CDH12: variants seen among roughly 807,000 people sequenced by gnomAD.
CDH12 encodes cadherin-12.
In CDH12, 41 loss-of-function variants were observed where a neutral mutation model predicts 74.1. The ratio of observed to expected loss-of-function variants is 0.55; its 90% confidence interval spans 0.43 to 0.72. CDH12 has a LOEUF of 0.72. Ranked by LOEUF, CDH12 falls within the 30% of genes least tolerant of loss-of-function variation. The pLI is 0.00. For synonymous variants in CDH12, 399 were observed against 355.0 expected (o/e 1.12, Z -1.39); for missense variants, 945 against 977.2 (o/e 0.97, Z 0.44).
At chr5:22,530,978 T>C (rs1402539454) in intron 1 of CDH12, among the ~76,000 whole-genome samples, 1 of 152,188 alleles carries the variant, frequency 6.6e-6, no homozygotes, top group Non-Finnish European at 1.5e-5. Context: ...TATTCTTCAT[T>C]ACAGAACTTA....
Position 22,194,334 on chromosome 5 carries a change from T to C in CDH12, c.-187+18164A>G, listed in dbSNP as rs569728350. The stretch of plus-strand genomic sequence containing the variant: ...TTTTTTTTTTTTTTGTTTTGTTTTT[T>C]TTGTTTTTTGTTTTTGAGACCGAGT... On this transcript the variant is annotated intron_variant, in intron 4 of 14. Transcript: ENST00000382254. Among the ~76,000 whole-genome samples the C allele has an allele frequency of 4.6e-3, 690 of 150,966 alleles. 3 individuals are homozygous for C. Among genetic ancestry groups the C allele is most frequent in the Non-Finnish European group, 8.2e-3 (556 of 67,710 alleles).
chr5:22,780,092 A>C (rs1284062749), intron 1 of CDH12, among the ~76,000 whole-genome samples: 1 of 152,148 alleles, frequency 6.6e-6, no homozygotes, highest in Non-Finnish European at 1.5e-5. Context: ...TGGCTTTTAA[A>C]ATGTGTAATC....
chr5:22,800,068 T>C (rs894974783), intron 1 of CDH12, among the ~76,000 whole-genome samples: 10 of 152,156 alleles, frequency 6.6e-5, no homozygotes, highest in African/African-American at 2.4e-4. Context: ...AATGGTTTAG[T>C]AGCCACTGAG....
chr5:22,450,817 A>G (rs1745010221), intron 2 of CDH12, among the ~76,000 whole-genome samples: 1 of 151,502 alleles, frequency 6.6e-6, no homozygotes, highest in Non-Finnish European at 1.5e-5. Flanking sequence ...GCTTACCACA[A>G]GTAGAGTTCC....
At chr5:22,193,061 T>A (rs147822918) in intron 4 of CDH12, among the ~76,000 whole-genome samples, 6,513 of 152,328 alleles carry the variant, frequency 0.043, 208 homozygotes, top group Non-Finnish European at 0.062. Flanking sequence ...ACACTCAGGT[T>A]ACAAACATAC....
chr5:21,795,826 T>C (rs1746748914), intron 10 of CDH12, among the ~76,000 whole-genome samples: 1 of 152,008 alleles, frequency 6.6e-6, no homozygotes, highest in Non-Finnish European at 1.5e-5. Flanking sequence ...TTCTGTCATA[T>C]TGAAAAGGAC....
intron 5 of CDH12, among the ~76,000 whole-genome samples, chr5:22,041,224 C>T (rs1425504416): frequency 6.6e-6 from 1 of 151,722 alleles, no homozygotes; most frequent in Non-Finnish European, 1.5e-5. Context: ...AAAACTTACA[C>T]TAAAGAAAAT....
intron 8 of CDH12, among the ~76,000 whole-genome samples, chr5:21,838,820 C>T (rs1445738185): frequency 6.6e-6 from 1 of 152,100 alleles, no homozygotes; most frequent in African/African-American, 2.4e-5. Context: ...GTCATCATGC[C>T]CCTTTGCCCA....
At chr5:22,428,210 C>T (rs199887959) in intron 2 of CDH12, among the ~76,000 whole-genome samples, 2,565 of 12,748 alleles carry the variant, frequency 0.2, 66 homozygotes, top group African/African-American at 0.35. Flanking sequence ...TATATATACA[C>T]ACACACACAC....
At position 22,568,089 on chromosome 5, in the gene CDH12, AC is replaced by A. The variant is rs1483909764; in HGVS notation, c.-522-62726del. Among the ~76,000 whole-genome samples, 5 of 152,284 alleles carry A rather than the reference AC, an allele frequency of 3.3e-5. No homozygotes were observed. In the East Asian group the frequency reaches 9.6e-4, roughly 29 times the overall value. ...TTCATATAGAAGACTTTGACTTTTTACTAAGGCACTGGAAAACCTAAGAACT... is the reference window on the plus strand; with the variant it reads ...TTCATATAGAAGACTTTGACTTTTTATAAGGCACTGGAAAACCTAAGAACT... On this transcript the variant is annotated intron_variant, in intron 1 of 14. Coordinates refer to ENST00000382254, the MANE Select transcript of CDH12 (RefSeq NM_004061.5).
At chr5:22,210,649 C>T (rs545685116) in intron 4 of CDH12, among the ~76,000 whole-genome samples, 5 of 152,080 alleles carry the variant, frequency 3.3e-5, no homozygotes, top group East Asian at 3.9e-4. Context: ...CTTCAATGGA[C>T]GTACTCTGGT....
intron 10 of CDH12, among the ~76,000 whole-genome samples, chr5:21,799,100 G>A (rs184857884): frequency 6.6e-6 from 1 of 152,222 alleles, no homozygotes; most frequent in Non-Finnish European, 1.5e-5. Context: ...GTAGATATAT[G>A]GACAGTAAAA....
intron 4 of CDH12, among the ~76,000 whole-genome samples, chr5:22,176,912 A>G (rs958392531): frequency 2.6e-5 from 4 of 152,008 alleles, no homozygotes; most frequent in African/African-American, 9.7e-5. Flanking sequence ...CGATATCTTC[A>G]TGCTTTGCCT....
Position 22,677,907 on chromosome 5 carries a change from C to T in CDH12, c.-522-172543G>A, listed in dbSNP as rs79576034. 1.2e-3 allele frequency among the ~76,000 whole-genome samples: 182 copies of T among 152,124 alleles called. 1 individual carries two copies. Among genetic ancestry groups the T allele is most frequent in the African/African-American group, 4.3e-3 (178 of 41,536 alleles). ...AAGGACCTCTTCCTGGTGATGTCCT[C>T]AGATGATCTTTGTTGGAAGTAGAGA... is the stretch of plus-strand genomic sequence containing the variant. On this transcript the variant is annotated intron_variant, in intron 1 of 14. Transcript: ENST00000382254.
chr5:21,848,038 A>G (rs2149993751), intron 7 of CDH12, among the ~76,000 whole-genome samples: 1 of 152,244 alleles, frequency 6.6e-6, no homozygotes, highest in Middle Eastern at 3.4e-3. Context: ...GCATAATGCT[A>G]GCTGAGGTAA....
intron 5 of CDH12, among the ~76,000 whole-genome samples, chr5:22,004,315 C>T (rs1380006354): frequency 6.6e-6 from 1 of 152,192 alleles, no homozygotes; most frequent in African/African-American, 2.4e-5. Context: ...GCATAGAAAT[C>T]CTACACTGAA....
At chr5:21,980,615 G>T (rs1445194595) in intron 5 of CDH12, among the ~76,000 whole-genome samples, 3 of 152,084 alleles carry the variant, frequency 2.0e-5, no homozygotes, top group South Asian at 2.1e-4. Context: ...CTTAGCCTCT[G>T]GGGTTGTAAT....
chr5:22,838,113 T>C (rs1736914280), intron 1 of CDH12, among the ~76,000 whole-genome samples: 1 of 152,180 alleles, frequency 6.6e-6, no homozygotes, highest in African/African-American at 2.4e-5. Flanking sequence ...AGCTTGTCCT[T>C]GCTTTGCCAT....
rs906595917 is a variant in CDH12 at position 22,221,699 on chromosome 5, C to T, written c.-332-9056G>A. On this transcript the variant is annotated intron_variant, in intron 3 of 14. Coordinates refer to ENST00000382254, the MANE Select transcript of CDH12 (RefSeq NM_004061.5). ...AATTGATTCCAGCAGCTGCTACCCC[C>T]ATCCCCCATGTCCTATTGATAGTGG... 5.9e-5 allele frequency among the ~76,000 whole-genome samples: 9 copies of T among 151,938 alleles called. 1 individual carries two copies. The South Asian group carries it at 1.5e-3, about 24-fold the overall frequency.
Sources: gnomAD v4.1 joint callset for allele counts (sites outside exome capture counted in the v4.1 genomes callset) on GRCh38, gnomAD v4.1.1 for gene constraint, MANE v1.5 for transcripts, NCBI Gene and HGNC (gene_info 2026-07-23, HGNC 2026-07-21) for gene names.